TAF3: variants seen among roughly 807,000 people sequenced by gnomAD.
TAF3 encodes the protein TATA-box binding protein associated factor 3, also known as transcription initiation factor TFIID subunit 3.
In TAF3, 7 loss-of-function variants were observed where a neutral mutation model predicts 80.6. That is an observed-to-expected ratio of 0.09 (90% CI 0.05 to 0.16). The LOEUF is 0.16. Among genes scored for constraint, TAF3 ranks in the 10% least tolerant of loss-of-function variants. The pLI is 1.00. For missense variants in TAF3, 921 were observed against 1,140.2 expected (o/e 0.81, Z 2.77); for synonymous variants, 444 against 446.1 (o/e 1.00, Z 0.06).
intron 2 of TAF3, among the ~76,000 whole-genome samples, chr10:7,830,746 AG>A (rs1836791698): frequency 6.6e-6 from 1 of 152,072 alleles, no homozygotes; most frequent in Non-Finnish European, 1.5e-5. Context: ...GGCCTCCCAA[AG>A]TGCTGGGATT....
intron 4 of TAF3, among the ~76,000 whole-genome samples, chr10:7,987,208 C>T (rs772749645): frequency 6.6e-6 from 1 of 152,046 alleles, no homozygotes; most frequent in Non-Finnish European, 1.5e-5. Context: ...TTTAGTCCCA[C>T]GTACTCAGGA....
intron 2 of TAF3, among the ~76,000 whole-genome samples, chr10:7,922,670 T>A (rs1211765098): frequency 6.6e-6 from 1 of 152,128 alleles, no homozygotes; most frequent in Non-Finnish European, 1.5e-5. Flanking sequence ...AACAGATGGC[T>A]GGCAATCCCT....
intron 2 of TAF3, among the ~76,000 whole-genome samples, chr10:7,950,649 T>C (rs932522458): frequency 9.2e-5 from 14 of 152,384 alleles, no homozygotes; most frequent in African/African-American, 3.1e-4. Flanking sequence ...ATCCTCATTA[T>C]GCACAGATTC....
In TAF3 at chr10:7,965,016, C is replaced by T. The variant is rs1221509380; in HGVS notation, c.1506C>T (p.Pro502=). The T allele has an allele frequency of 5.6e-6, 9 of 1,613,928 alleles. No homozygotes were observed. The highest frequency in any genetic ancestry group is 2.7e-5 in the African/African-American group (2 of 74,902). ...CTCCGTCAGTGTCTCCTCCCACTCC[C>T]GAACCTCTCCACAAGGTGTATGAGG... ...ISSPSVSPPT[P]EPLHKVYEEK... The change falls in exon 3 of 7, where the codon CCC becomes CCT. Residue 502 remains proline, a synonymous_variant. Transcript: ENST00000344293.
chr10:7,881,926 G>T (rs879344804), intron 2 of TAF3, among the ~76,000 whole-genome samples: 1 of 152,196 alleles, frequency 6.6e-6, no homozygotes, highest in African/African-American at 2.4e-5. Flanking sequence ...TATGTTGGTG[G>T]ACTTCCACAC....
intron 2 of TAF3, among the ~76,000 whole-genome samples, chr10:7,879,453 A>T (rs1201855076): frequency 1.3e-5 from 2 of 152,292 alleles, no homozygotes; most frequent in South Asian, 2.1e-4. Context: ...AATGACACCC[A>T]CCCTCATCTT....
chr10:7,966,116 G>A (rs1009317980), intron 3 of TAF3, among the ~76,000 whole-genome samples: 20 of 152,156 alleles, frequency 1.3e-4, no homozygotes, highest in African/African-American at 4.3e-4. Flanking sequence ...TATTGAGAAA[G>A]GCAGCATCCA....
intron 4 of TAF3, among the ~76,000 whole-genome samples, chr10:7,983,144 C>T (rs542044453): frequency 3.4e-4 from 51 of 152,206 alleles, no homozygotes; most frequent in Non-Finnish European, 3.8e-4. Flanking sequence ...GTGGTCCTGG[C>T]CACTCAGGCT....
chr10:7,911,437 C>T (rs768125065), intron 2 of TAF3, among the ~76,000 whole-genome samples: 47 of 152,228 alleles, frequency 3.1e-4, no homozygotes, highest in Non-Finnish European at 3.2e-4. Flanking sequence ...TCCTCTGCCA[C>T]ATGGCAGAGA....
chr10:8,007,731 A>G (rs956253553), intron 4 of TAF3, among the ~76,000 whole-genome samples: 1 of 151,456 alleles, frequency 6.6e-6, no homozygotes, highest in Non-Finnish European at 1.5e-5. Flanking sequence ...TTCCTCATCT[A>G]CAAAATGGGG....
chr10:7,862,424 A>G (rs11255412), intron 2 of TAF3, among the ~76,000 whole-genome samples: 26,187 of 152,124 alleles, frequency 0.17, 2,289 homozygotes, highest in Admixed American at 0.23. Context: ...TGTTTTTCCT[A>G]TGATGGGCAG....
intron 2 of TAF3, among the ~76,000 whole-genome samples, chr10:7,852,968 T>G (rs1260654764): frequency 2.0e-5 from 3 of 152,244 alleles, no homozygotes; most frequent in Non-Finnish European, 4.4e-5. Context: ...AGTATCATTA[T>G]GATCTCATGG....
intron 2 of TAF3, among the ~76,000 whole-genome samples, chr10:7,850,315 G>A (rs551493575): frequency 1.3e-5 from 2 of 152,332 alleles, no homozygotes; most frequent in South Asian, 2.1e-4. Context: ...AATTCATGAT[G>A]TCAGTTTGGA....
intron 2 of TAF3, among the ~76,000 whole-genome samples, chr10:7,858,211 C>T (rs1837102554): frequency 6.6e-6 from 1 of 152,080 alleles, no homozygotes; most frequent in Non-Finnish European, 1.5e-5. Flanking sequence ...TGTCTTTTCC[C>T]AGAGAATTTT....
intron 2 of TAF3, among the ~76,000 whole-genome samples, chr10:7,930,892 G>T (rs1837862555): frequency 1.3e-5 from 2 of 151,762 alleles, no homozygotes; most frequent in Non-Finnish European, 2.9e-5. Context: ...GCACCTATAA[G>T]ATGTTACTAT....
intron 3 of TAF3, among the ~76,000 whole-genome samples, chr10:7,968,403 G>C (rs1223717147): frequency 3.3e-5 from 5 of 152,170 alleles, no homozygotes; most frequent in Non-Finnish European, 7.3e-5. Flanking sequence ...CAATAAAGAT[G>C]TGATTAATTA....
At chr10:7,937,659 G>A (rs1837934169) in intron 2 of TAF3, among the ~76,000 whole-genome samples, 1 of 152,048 alleles carries the variant, frequency 6.6e-6, no homozygotes, top group Non-Finnish European at 1.5e-5. Flanking sequence ...TCACAGTTGT[G>A]CTCCATCCTG....
At chr10:7,912,256 T>G (rs1440859997) in intron 2 of TAF3, among the ~76,000 whole-genome samples, 1 of 152,156 alleles carries the variant, frequency 6.6e-6, no homozygotes, top group Non-Finnish European at 1.5e-5. Flanking sequence ...AAATGATGGT[T>G]TAGTTTTTTT....
chr10:7,829,366 T>A (rs1836775740), intron 2 of TAF3, among the ~76,000 whole-genome samples: 1 of 152,212 alleles, frequency 6.6e-6, no homozygotes, highest in Non-Finnish European at 1.5e-5. Context: ...TCCTTAGTTT[T>A]TACTGGATGT....
Sources: allele counts gnomAD v4.1 joint callset (sites outside exome capture counted in the v4.1 genomes callset), GRCh38; gene constraint gnomAD v4.1.1; transcripts MANE v1.5; gene names NCBI Gene and HGNC (gene_info 2026-07-23, HGNC 2026-07-21).